The following TSPAN8 variants were observed in gnomAD, a reference collection of about 807,000 sequenced individuals.
The protein encoded by TSPAN8 is tetraspanin 8.
A neutral mutation model predicts 32.8 loss-of-function variants in TSPAN8; 21 were observed. That is an observed-to-expected ratio of 0.64 (90% CI 0.45 to 0.92). TSPAN8 has a LOEUF of 0.92. TSPAN8 is among the 40% of genes least tolerant of loss of function. The pLI, the probability that TSPAN8 is intolerant of heterozygous loss-of-function variation, is 0.00. For missense variants in TSPAN8, 269 were observed against 281.9 expected, an observed-to-expected ratio of 0.95 and a Z score of 0.33; for synonymous variants, 95 against 94.6, an observed-to-expected ratio of 1.00 and a Z score of -0.03.
intron 8 of TSPAN8, among the ~76,000 whole-genome samples, chr12:71,127,510 C>T (rs984120494): frequency 3.9e-5 from 6 of 152,036 alleles, no homozygotes; most frequent in African/African-American, 1.4e-4. Flanking sequence ...TTTGACTTCT[C>T]GAATTCAAAA....
At chr12:71,132,644 A>G in intron 7 of TSPAN8, 49 bp downstream of exon 7, 1 of 1,589,484 alleles carries the variant, frequency 6.3e-7, no homozygotes, top group Non-Finnish European at 8.6e-7. Flanking sequence ...TAATTGTGAA[A>G]AGAAAGTAAC....
chr12:71,132,251 C>T (rs1352188588), intron 7 of TSPAN8, among the ~76,000 whole-genome samples: 1 of 152,078 alleles, frequency 6.6e-6, no homozygotes, highest in Admixed American at 6.5e-5. Context: ...GGAGTCCTTT[C>T]TTTAAATTTT....
Position 71,137,942 on chromosome 12 carries a change from A to T in TSPAN8, c.444+11T>A. 1 of 1,605,630 alleles carries T rather than the reference A, an allele frequency of 6.2e-7. No individual in the cohort carries two copies. The highest frequency in any genetic ancestry group is 1.7e-5 in the Admixed American group (1 of 58,870). ...TCCAACTCTTTAAAATGAACAATGA[A>T]TTCTAATTACCTCTTCTTGAAACAC... On this transcript the variant is annotated intron_variant, in intron 6 of 8. Transcript: ENST00000247829.
At chr12:71,142,285 C>T (rs532467371) in intron 3 of TSPAN8, among the ~76,000 whole-genome samples, 1 of 152,304 alleles carries the variant, frequency 6.6e-6, no homozygotes, top group South Asian at 2.1e-4. Context: ...TCTATTAATT[C>T]ATTCTTATCC....
chr12:71,142,735 G>A (rs770563669), intron 3 of TSPAN8, among the ~76,000 whole-genome samples: 1 of 152,006 alleles, frequency 6.6e-6, no homozygotes, highest in Non-Finnish European at 1.5e-5. Flanking sequence ...TCACCATGGT[G>A]AGGCACAGAA....
At chr12:71,139,386 T>A (rs1871820641) in intron 4 of TSPAN8, 1 of 481,300 alleles carries the variant, frequency 2.1e-6, no homozygotes, top group Non-Finnish European at 3.8e-6. Flanking sequence ...TTTGCTTACT[T>A]ATTAACCTTC....
At chr12:71,145,458 T>C (rs1872044210) in intron 2 of TSPAN8, among the ~76,000 whole-genome samples, 1 of 152,066 alleles carries the variant, frequency 6.6e-6, no homozygotes, top group Non-Finnish European at 1.5e-5. Flanking sequence ...CAAAGCTCTT[T>C]AACCACCAAA....
At chr12:71,155,007 T>C (rs1483262675) in intron 2 of TSPAN8, among the ~76,000 whole-genome samples, 1 of 152,232 alleles carries the variant, frequency 6.6e-6, no homozygotes, top group African/African-American at 2.4e-5. Context: ...TTCATAAGGA[T>C]ACTTAAAGAA....
At chr12:71,130,269 TC>T (rs1294618516) in intron 7 of TSPAN8, among the ~76,000 whole-genome samples, 1 of 152,188 alleles carries the variant, frequency 6.6e-6, no homozygotes, top group Non-Finnish European at 1.5e-5. Flanking sequence ...CAACATATTT[TC>T]AAAATCCCTT....
chr12:71,134,514 TTAC>T (rs1293130235), intron 6 of TSPAN8, among the ~76,000 whole-genome samples: 7 of 152,148 alleles, frequency 4.6e-5, no homozygotes, highest in Admixed American at 4.6e-4. Flanking sequence ...CACAAAAACA[TTAC>T]TCAACAGATG....
chr12:71,148,791 A>G (rs1338166240), intron 2 of TSPAN8, among the ~76,000 whole-genome samples: 1 of 152,172 alleles, frequency 6.6e-6, no homozygotes, highest in African/African-American at 2.4e-5. Flanking sequence ...TAATTCTGCT[A>G]TTATGTTTGT....
intron 8 of TSPAN8, 65 bp downstream of exon 8, chr12:71,129,266 T>A: frequency 2.2e-6 from 3 of 1,355,482 alleles, no homozygotes; most frequent in East Asian, 2.8e-5. Context: ...TCACCATCAA[T>A]ATTTCTTGAA....
At chr12:71,140,542 A>G (rs971317572) in intron 3 of TSPAN8, among the ~76,000 whole-genome samples, 1 of 152,186 alleles carries the variant, frequency 6.6e-6, no homozygotes, top group Admixed American at 6.5e-5. Flanking sequence ...CCCAAAAGCC[A>G]TAGTCCATAG....
intron 8 of TSPAN8, among the ~76,000 whole-genome samples, 158 bp downstream of exon 8, chr12:71,129,173 G>C (rs1796330): frequency 0.42 from 64,172 of 151,098 alleles, 13,934 homozygotes; most frequent in Admixed American, 0.51. Context: ...CGAGGGAGAT[G>C]ATGGGCCTTT....
At chr12:71,131,297 G>T (rs923785772) in intron 7 of TSPAN8, among the ~76,000 whole-genome samples, 3 of 152,008 alleles carry the variant, frequency 2.0e-5, no homozygotes, top group Non-Finnish European at 4.4e-5. Flanking sequence ...AATGAAAAAC[G>T]CAATATAACC....
At chr12:71,149,869 T>C (rs956053486) in intron 2 of TSPAN8, among the ~76,000 whole-genome samples, 1 of 152,154 alleles carries the variant, frequency 6.6e-6, no homozygotes, top group Non-Finnish European at 1.5e-5. Context: ...AAGACAACCA[T>C]AAGGTCTGAC....
At chr12:71,152,906 C>T (rs1367847972) in intron 2 of TSPAN8, among the ~76,000 whole-genome samples, 2 of 152,160 alleles carry the variant, frequency 1.3e-5, no homozygotes, top group South Asian at 2.1e-4. Flanking sequence ...TGATGAATAT[C>T]GAAATGCTGG....
In TSPAN8 at chr12:71,139,856, A is replaced by G. The variant is rs1385465007; in HGVS notation, c.124-8T>C. On this transcript the variant is annotated splice_region_variant and splice_polypyrimidine_tract_variant and intron_variant, in intron 3 of 8. Transcript: ENST00000247829. The stretch of plus-strand genomic sequence containing the variant: ...ATCTTCAGAACCAAAAATCTGAAGT[A>G]AAAAAGAGATTAATGGCAGAAAATT... The G allele has an allele frequency of 1.3e-6, 2 of 1,599,578 alleles. No individual in the cohort carries two copies. The highest frequency in any genetic ancestry group is 1.7e-6 in the Non-Finnish European group (2 of 1,174,484).
At chr12:71,152,180 T>C (rs1485592770) in intron 2 of TSPAN8, among the ~76,000 whole-genome samples, 1 of 152,176 alleles carries the variant, frequency 6.6e-6, no homozygotes, top group African/African-American at 2.4e-5. Flanking sequence ...ATCCAAAGAC[T>C]GGAGCATGCA....
Sources: allele counts gnomAD v4.1 joint callset (sites outside exome capture counted in the v4.1 genomes callset), GRCh38; gene constraint gnomAD v4.1.1; transcripts MANE v1.5; gene names NCBI Gene and HGNC (gene_info 2026-07-23, HGNC 2026-07-21).